Variants in MRAP2 observed in about 807,000 individuals in gnomAD.
MRAP2 encodes the protein melanocortin 2 receptor accessory protein 2.
MRAP2 carries 20 observed loss-of-function variants against 17.4 expected under a neutral mutation model. The ratio of observed to expected loss-of-function variants is 1.15; its 90% CI spans 0.81 to 1.67. MRAP2 has a LOEUF of 1.67. Ranked by LOEUF, MRAP2 falls within the 40% of genes most tolerant of loss-of-function variation. MRAP2 has a pLI of 0.00. For missense variants in MRAP2, 238 were observed against 240.0 expected, an observed-to-expected ratio of 0.99 and a Z score of 0.05; for synonymous variants, 96 against 88.4, an observed-to-expected ratio of 1.09 and a Z score of -0.48.
At chr6:84,084,976 T>G (rs1387250774) in intron 3 of MRAP2, among the ~76,000 whole-genome samples, 1 of 150,276 alleles carries the variant, frequency 6.7e-6, no homozygotes, top group Non-Finnish European at 1.5e-5. Flanking sequence ...ACTTTAAGTT[T>G]TAGGGTACAT....
At chr6:84,048,266 C>A (rs2099489542) in intron 1 of MRAP2, among the ~76,000 whole-genome samples, 2 of 152,178 alleles carry the variant, frequency 1.3e-5, no homozygotes, top group Admixed American at 6.5e-5. Context: ...TTTCTCTATA[C>A]CCTCACCAAC....
chr6:84,119,656 A>G, the MRAP2 span, among the ~76,000 whole-genome samples: 1 of 152,212 alleles, frequency 6.6e-6, no homozygotes, highest in African/African-American at 2.4e-5. Flanking sequence ...TAAGTTTTCC[A>G]CAAGTTTTGA....
At chr6:84,064,688 C>T (rs904189429) in intron 3 of MRAP2, among the ~76,000 whole-genome samples, 2 of 152,158 alleles carry the variant, frequency 1.3e-5, no homozygotes, top group East Asian at 1.9e-4. Context: ...AGGGTTTCAC[C>T]ATGTTAGCCA....
At chr6:84,137,752 T>G in the MRAP2 span, among the ~76,000 whole-genome samples, 1 of 152,026 alleles carries the variant, frequency 6.6e-6, no homozygotes, top group Non-Finnish European at 1.5e-5. Context: ...AACAATAGAT[T>G]GAAAAATCTA....
chr6:84,139,268 A>C, the MRAP2 span, among the ~76,000 whole-genome samples: 1 of 152,156 alleles, frequency 6.6e-6, no homozygotes, highest in African/African-American at 2.4e-5. Flanking sequence ...ACATTCCCAC[A>C]GTTTCCCACC....
the MRAP2 span, among the ~76,000 whole-genome samples, chr6:84,142,002 T>G: frequency 1.3e-5 from 2 of 152,182 alleles, no homozygotes; most frequent in African/African-American, 4.8e-5. Context: ...AATCTCACCA[T>G]GTCTTTGAAA....
At chr6:84,067,982 C>A (rs900325888) in intron 3 of MRAP2, among the ~76,000 whole-genome samples, 2 of 152,022 alleles carry the variant, frequency 1.3e-5, no homozygotes, top group African/African-American at 4.8e-5. Context: ...CATCTAGAAG[C>A]GTTTTTCCAA....
intron 1 of MRAP2, among the ~76,000 whole-genome samples, chr6:84,037,732 GC>G (rs1339055926): frequency 6.6e-6 from 1 of 152,138 alleles, no homozygotes; most frequent in Non-Finnish European, 1.5e-5. Flanking sequence ...TGGGTGCTAA[GC>G]CCCTCACTGC....
the MRAP2 span, among the ~76,000 whole-genome samples, chr6:84,135,842 G>C: frequency 6.6e-6 from 1 of 152,136 alleles, no homozygotes; most frequent in Non-Finnish European, 1.5e-5. Context: ...CAGCCTGGGC[G>C]ACAACAGTAA....
the MRAP2 span, among the ~76,000 whole-genome samples, chr6:84,119,576 G>C: frequency 6.6e-6 from 1 of 152,134 alleles, no homozygotes; most frequent in Non-Finnish European, 1.5e-5. Context: ...TCAAATCCCT[G>C]AGCTCATCCT....
chr6:84,104,587 G>A, the MRAP2 span, among the ~76,000 whole-genome samples: 1 of 152,100 alleles, frequency 6.6e-6, no homozygotes, highest in Non-Finnish European at 1.5e-5. Flanking sequence ...TTCTTCCATC[G>A]GCTGGGCGCA....
intron 3 of MRAP2, among the ~76,000 whole-genome samples, chr6:84,088,536 C>G (rs2497132): frequency 0.2 from 30,327 of 152,136 alleles, 6,233 homozygotes; most frequent in African/African-American, 0.53. Context: ...CTTGCCCTAA[C>G]TGACTGTATT....
chr6:84,090,882 C>T (rs1372065781), downstream of MRAP2: 1 of 152,194 alleles, frequency 6.6e-6, no homozygotes, highest in Non-Finnish European at 1.5e-5. Flanking sequence ...TTTGACTGCA[C>T]AGAAATTTCC....
rs113793629 is a variant in MRAP2, at chr6:84,045,106, C to G, written c.-7-10206C>G. The stretch of plus-strand genomic sequence containing the variant: ...GCTGTGCATAGGTTCTATGCAAATA[C>G]TACACCATTTTATACTAGGGACTTG... On this transcript the variant is annotated intron_variant, in intron 1 of 3. Coordinates refer to ENST00000257776, the MANE Select transcript of MRAP2 (RefSeq NM_138409.4). The G allele has an allele frequency of 2.5e-3, 1,147 of 458,142 alleles. 21 individuals are homozygous for G. The highest frequency in any genetic ancestry group is 0.023 in the African/African-American group (1,060 of 47,104). The allele number at this position is 458,142 out of a possible 1,614,324, so 28.4% of individuals were successfully genotyped here.
At chr6:84,127,588 A>G in the MRAP2 span, among the ~76,000 whole-genome samples, 639 of 152,292 alleles carry the variant, frequency 4.2e-3, 11 homozygotes, top group East Asian at 0.041. Flanking sequence ...TATTTTTTAA[A>G]AAACTAATGA....
chr6:84,046,967 G>A (rs754183639), intron 1 of MRAP2, among the ~76,000 whole-genome samples: 31 of 151,654 alleles, frequency 2.0e-4, no homozygotes, highest in Non-Finnish European at 3.8e-4. Flanking sequence ...TTACTTGAAA[G>A]GGAATCCCCA....
At chr6:84,145,578 G>A in the MRAP2 span, among the ~76,000 whole-genome samples, 2 of 151,760 alleles carry the variant, frequency 1.3e-5, no homozygotes, top group Non-Finnish European at 2.9e-5. Context: ...TTTATCTCTG[G>A]GGTTTTGTTA....
chr6:84,045,358 C>T, intron 1 of MRAP2: 1 of 985,352 alleles, frequency 1.0e-6, no homozygotes, highest in Non-Finnish European at 1.2e-6. Flanking sequence ...TATGAAGGCC[C>T]TGGAGTAGGC....
At chr6:84,120,214 A>G in the MRAP2 span, among the ~76,000 whole-genome samples, 272 of 152,306 alleles carry the variant, frequency 1.8e-3, 1 homozygote, top group African/African-American at 5.7e-3. Context: ...TTTGTTCTAT[A>G]TAGGCCCTCA....
Sources: allele counts gnomAD v4.1 joint callset (sites outside exome capture counted in the v4.1 genomes callset), GRCh38; gene constraint gnomAD v4.1.1; transcripts MANE v1.5; gene names NCBI Gene and HGNC (gene_info 2026-07-23, HGNC 2026-07-21).